AKAP19: variants seen among roughly 807,000 people sequenced by gnomAD.
The protein encoded by AKAP19 is small A-kinase anchoring protein.
At chr2:189,950,580 C>T in the AKAP19 span, among the ~76,000 whole-genome samples, 2 of 151,946 alleles carry the variant, frequency 1.3e-5, no homozygotes, top group Non-Finnish European at 2.9e-5. Context: ...GGAAGACCAC[C>T]AAAGAGCAAC....
chr2:190,150,616 T>G, the AKAP19 span, among the ~76,000 whole-genome samples: 1 of 152,188 alleles, frequency 6.6e-6, no homozygotes, highest in Non-Finnish European at 1.5e-5. Flanking sequence ...GTGGGCCCTC[T>G]CAGGATTGCT....
chr2:189,994,518 A>G, the AKAP19 span, among the ~76,000 whole-genome samples: 1 of 151,970 alleles, frequency 6.6e-6, no homozygotes, highest in Non-Finnish European at 1.5e-5. Context: ...ATTCAGTTCA[A>G]AAGAATTTTT....
chr2:190,041,168 T>A, the AKAP19 span, among the ~76,000 whole-genome samples: 14 of 152,346 alleles, frequency 9.2e-5, no homozygotes, highest in Admixed American at 2.0e-4. Context: ...GGGATTTTTT[T>A]AAATTTGTTT....
At chr2:190,030,626 C>T in the AKAP19 span, among the ~76,000 whole-genome samples, 2 of 152,226 alleles carry the variant, frequency 1.3e-5, no homozygotes, top group Non-Finnish European at 2.9e-5. Context: ...TTTTCAGCTC[C>T]TCATGTAGGC....
At chr2:189,914,126 T>C in the AKAP19 span, among the ~76,000 whole-genome samples, 1 of 152,106 alleles carries the variant, frequency 6.6e-6, no homozygotes, top group South Asian at 2.1e-4. Context: ...TGTCTTCCAC[T>C]ACTGAACTGT....
At chr2:190,181,846 C>A in the AKAP19 span, among the ~76,000 whole-genome samples, 1 of 152,120 alleles carries the variant, frequency 6.6e-6, no homozygotes, top group African/African-American at 2.4e-5. Context: ...AAACCAAGAT[C>A]AACAGTTGGC....
At chr2:189,907,229 T>TC in the AKAP19 span, among the ~76,000 whole-genome samples, 2 of 152,122 alleles carry the variant, frequency 1.3e-5, no homozygotes, top group African/African-American at 4.8e-5. Context: ...TATATATGGG[T>TC]CCCACTCCCC....
the AKAP19 span, among the ~76,000 whole-genome samples, chr2:189,898,745 C>G: frequency 2.6e-4 from 39 of 152,170 alleles, no homozygotes; most frequent in African/African-American, 9.2e-4. Context: ...CATTCAAGCT[C>G]TAATCACTTC....
At chr2:189,942,738 G>T in the AKAP19 span, among the ~76,000 whole-genome samples, 1 of 152,220 alleles carries the variant, frequency 6.6e-6, no homozygotes, top group Non-Finnish European at 1.5e-5. Flanking sequence ...GGGAACTAAG[G>T]CAGTCATATG....
chr2:189,895,133 T>C, the AKAP19 span, among the ~76,000 whole-genome samples: 1 of 151,772 alleles, frequency 6.6e-6, no homozygotes, highest in Non-Finnish European at 1.5e-5. Flanking sequence ...ACCATTAACA[T>C]AAAAGAAAAT....
At chr2:189,886,992 AT>A in the AKAP19 span, among the ~76,000 whole-genome samples, 2 of 151,986 alleles carry the variant, frequency 1.3e-5, no homozygotes, top group Non-Finnish European at 1.5e-5. Context: ...TTTTTTTTAA[AT>A]TTTTTTTATT....
chr2:190,069,170 G>GTGTGTGTGTGTGTGTC, the AKAP19 span, among the ~76,000 whole-genome samples: 13 of 146,450 alleles, frequency 8.9e-5, no homozygotes, highest in Admixed American at 5.4e-4. Context: ...GTGTGTGTGT[G>GTGTGTGTGTGTGTGTC]TGTGTGAGAG....
the AKAP19 span, among the ~76,000 whole-genome samples, chr2:189,952,592 A>AC: frequency 6.6e-6 from 1 of 152,226 alleles, no homozygotes; most frequent in Non-Finnish European, 1.5e-5. Flanking sequence ...AAATGGTAAA[A>AC]GAAAGTTAAC....
At chr2:190,034,534 CAAAAAAAAAAAA>C in the AKAP19 span, among the ~76,000 whole-genome samples, 3 of 68,268 alleles carry the variant, frequency 4.4e-5, no homozygotes, top group East Asian at 4.1e-4. Flanking sequence ...GGCTACAGTG[CAAAAAAAAAAAA>C]AAAAAAAAAA....
chr2:189,931,588 A>T, the AKAP19 span, among the ~76,000 whole-genome samples: 3 of 151,758 alleles, frequency 2.0e-5, no homozygotes, highest in African/African-American at 7.3e-5. Context: ...CTGGTCTCGA[A>T]CTCCTGTCCT....
the AKAP19 span, among the ~76,000 whole-genome samples, chr2:190,144,500 C>T: frequency 6.6e-6 from 1 of 152,116 alleles, no homozygotes; most frequent in Non-Finnish European, 1.5e-5. Flanking sequence ...ATAGAAATCT[C>T]ATTCCTCTAT....
chr2:190,138,275 A>G, the AKAP19 span, among the ~76,000 whole-genome samples: 1 of 152,204 alleles, frequency 6.6e-6, no homozygotes, highest in African/African-American at 2.4e-5. Flanking sequence ...GAAGCAGTAG[A>G]TGGTAGAGTA....
chr2:189,957,762 T>C, the AKAP19 span, among the ~76,000 whole-genome samples: 3 of 152,262 alleles, frequency 2.0e-5, no homozygotes, highest in Admixed American at 6.5e-5. Flanking sequence ...AATTAAGAAC[T>C]CTCATTCATC....
chr2:189,904,197 G>A, the AKAP19 span, among the ~76,000 whole-genome samples: 1 of 151,938 alleles, frequency 6.6e-6, no homozygotes. Context: ...TAATTACATT[G>A]CCTTATATTT....
Sources: allele counts gnomAD v4.1 joint callset (sites outside exome capture counted in the v4.1 genomes callset), GRCh38; gene constraint gnomAD v4.1.1; transcripts MANE v1.5; gene names NCBI Gene and HGNC (gene_info 2026-07-23, HGNC 2026-07-21).